DLGAP1: variants seen among roughly 807,000 people sequenced by gnomAD.
DLGAP1 encodes disks large-associated protein 1.
DLGAP1 carries 11 observed loss-of-function variants against 90.8 expected under a neutral mutation model. The observed-to-expected ratio is 0.12, with a 90% CI of 0.08 to 0.20. DLGAP1 has a LOEUF of 0.20. Ranked by LOEUF, DLGAP1 falls within the 10% of genes least tolerant of loss-of-function variation. The pLI, the probability that DLGAP1 is intolerant of heterozygous loss-of-function variation, is 1.00. For synonymous variants in DLGAP1, 558 were observed against 540.7 expected, an observed-to-expected ratio of 1.03 and a Z score of -0.44; for missense variants, 1,050 against 1,333.8, an observed-to-expected ratio of 0.79 and a Z score of 3.31.
chr18:4,102,686 A>G (rs529473017), intron 2 of DLGAP1, among the ~76,000 whole-genome samples: 1 of 152,098 alleles, frequency 6.6e-6, no homozygotes, highest in Non-Finnish European at 1.5e-5. Flanking sequence ...GTTCTCTTTA[A>G]TTTTGGAGCT....
intron 3 of DLGAP1, chr18:3,986,238 T>C (rs1258227879): frequency 6.6e-6 from 1 of 152,168 alleles, no homozygotes; most frequent in African/African-American, 2.4e-5. Flanking sequence ...AGCCATTTAT[T>C]TTAATAAGTG....
At position 4,302,993 on chromosome 18, in the gene DLGAP1, CTG is replaced by C. The variant is rs576963007; in HGVS notation, c.-266-151708_-266-151707del. On this transcript the variant is annotated intron_variant, in intron 1 of 12. Transcript: ENST00000315677. The stretch of plus-strand genomic sequence containing the variant: ...TTGTAGCTATTGTAGATGGGATTCT[CTG>C]TGTAATTTTATTTGTGGCACTTTCC... 1.6e-4 allele frequency among the ~76,000 whole-genome samples: 24 copies of C among 152,144 alleles called. No individual in the cohort carries two copies. The South Asian group carries it at 5.0e-3, about 32-fold the overall frequency.
intron 10 of DLGAP1, among the ~76,000 whole-genome samples, chr18:3,516,859 G>A (rs2050874330): frequency 6.6e-6 from 1 of 152,208 alleles, no homozygotes; most frequent in African/African-American, 2.4e-5. Context: ...AATTATGGAG[G>A]CTACAGTTCA....
intron 1 of DLGAP1, among the ~76,000 whole-genome samples, chr18:4,437,173 GCTGA>G (rs1303901085): frequency 6.6e-6 from 1 of 152,190 alleles, no homozygotes; most frequent in Non-Finnish European, 1.5e-5. Context: ...AAGAATATTG[GCTGA>G]CTGAAACATT....
chr18:3,919,137 T>C (rs1301649988), intron 3 of DLGAP1, among the ~76,000 whole-genome samples: 1 of 152,238 alleles, frequency 6.6e-6, no homozygotes, highest in Non-Finnish European at 1.5e-5. Context: ...TTTGACCTTT[T>C]TCTGGCGCTT....
intron 4 of DLGAP1, among the ~76,000 whole-genome samples, chr18:3,844,773 T>C (rs1254600117): frequency 6.6e-6 from 1 of 152,232 alleles, no homozygotes; most frequent in Non-Finnish European, 1.5e-5. Context: ...TAACATGTAC[T>C]TAGAAATGAA....
At chr18:4,198,934 A>G (rs559214492) in intron 1 of DLGAP1, among the ~76,000 whole-genome samples, 1 of 152,358 alleles carries the variant, frequency 6.6e-6, no homozygotes, top group East Asian at 1.9e-4. Context: ...CAGGCATCGT[A>G]GTGAGAGGTG....
chr18:4,056,849 A>T (rs1284301578), intron 2 of DLGAP1, among the ~76,000 whole-genome samples: 1 of 152,162 alleles, frequency 6.6e-6, no homozygotes, highest in Non-Finnish European at 1.5e-5. Flanking sequence ...TTTCTAGATG[A>T]ATCTAAGACC....
intron 5 of DLGAP1, among the ~76,000 whole-genome samples, chr18:3,763,759 G>A (rs1476084213): frequency 1.3e-5 from 2 of 151,664 alleles, no homozygotes; most frequent in African/African-American, 2.4e-5. Context: ...CATCTCCCAG[G>A]TACAAGCGAT....
intron 2 of DLGAP1, among the ~76,000 whole-genome samples, chr18:4,138,932 G>T (rs1358596764): frequency 6.6e-6 from 1 of 152,082 alleles, no homozygotes; most frequent in African/African-American, 2.4e-5. Context: ...ACATACAGTT[G>T]CTCATAGTAG....
At chr18:3,970,154 G>A (rs1274225871) in intron 3 of DLGAP1, among the ~76,000 whole-genome samples, 4 of 152,142 alleles carry the variant, frequency 2.6e-5, no homozygotes, top group Non-Finnish European at 4.4e-5. Flanking sequence ...GACTACCATT[G>A]TACTCCTGCA....
intron 1 of DLGAP1, among the ~76,000 whole-genome samples, chr18:4,363,259 C>G (rs2081670227): frequency 6.6e-6 from 1 of 152,176 alleles, no homozygotes; most frequent in South Asian, 2.1e-4. Flanking sequence ...CCACACATCC[C>G]TGATTGCATG....
At chr18:3,812,644 C>T (rs961885240) in intron 5 of DLGAP1, among the ~76,000 whole-genome samples, 1 of 152,174 alleles carries the variant, frequency 6.6e-6, no homozygotes, top group African/African-American at 2.4e-5. Flanking sequence ...TTTACTGATG[C>T]ACTGGTATTA....
intron 1 of DLGAP1, among the ~76,000 whole-genome samples, chr18:4,332,287 A>G (rs1442181120): frequency 6.6e-6 from 1 of 151,950 alleles, no homozygotes; most frequent in Non-Finnish European, 1.5e-5. Flanking sequence ...ATGATTAGTA[A>G]TTAGTTACAA....
intron 2 of DLGAP1, among the ~76,000 whole-genome samples, chr18:4,134,628 A>C (rs965682734): frequency 2.6e-5 from 4 of 152,136 alleles, no homozygotes; most frequent in Non-Finnish European, 4.4e-5. Flanking sequence ...TCCCTCAGGA[A>C]ATGTTTTCTC....
At chr18:3,680,832 G>T (rs919029467) in intron 7 of DLGAP1, among the ~76,000 whole-genome samples, 3 of 149,958 alleles carry the variant, frequency 2.0e-5, no homozygotes, top group Admixed American at 2.0e-4. Flanking sequence ...TTTGACTCAT[G>T]ACTCATGGTA....
intron 1 of DLGAP1, among the ~76,000 whole-genome samples, chr18:4,368,702 T>A (rs2081841220): frequency 6.6e-6 from 1 of 151,258 alleles, no homozygotes; most frequent in Admixed American, 6.6e-5. Context: ...GTTCTGTTTC[T>A]CTAGAGAACC....
rs189466822 is a variant in DLGAP1, at chr18:4,061,497, C to T, written c.-158-56296G>A. ...CATTTTTTTTGAGATCACTGTTCTG[C>T]TCTTTAACAGAAAATTGTAAAAGAT... is the stretch of plus-strand genomic sequence containing the variant. On this transcript the variant is annotated intron_variant, in intron 2 of 12. Transcript: ENST00000315677. Among the ~76,000 whole-genome samples, 88 of 152,196 alleles carry T rather than the reference C, an allele frequency of 5.8e-4. 1 individual carries two copies. The highest frequency in any genetic ancestry group is 2.1e-3 in the African/African-American group (86 of 41,532).
intron 6 of DLGAP1, among the ~76,000 whole-genome samples, chr18:3,738,467 G>A (rs1382775990): frequency 4.7e-5 from 7 of 147,482 alleles, no homozygotes; most frequent in Non-Finnish European, 9.0e-5. Flanking sequence ...CAGAAATAAC[G>A]CCACATATCT....
Sources: allele counts gnomAD v4.1 joint callset (sites outside exome capture counted in the v4.1 genomes callset), GRCh38; gene constraint gnomAD v4.1.1; transcripts MANE v1.5; gene names NCBI Gene and HGNC (gene_info 2026-07-23, HGNC 2026-07-21).